Variants in CACNG7 observed in about 807,000 individuals in gnomAD.
CACNG7 encodes calcium voltage-gated channel auxiliary subunit gamma 7, also known as voltage-dependent calcium channel gamma-7 subunit.
In CACNG7, 9 loss-of-function variants were observed where a neutral mutation model predicts 26.3. The ratio of observed to expected loss-of-function variants is 0.34; its 90% CI spans 0.21 to 0.60. CACNG7 has a LOEUF of 0.60. CACNG7 is among the 20% of genes least tolerant of loss of function. The probability of loss-of-function intolerance (pLI) is 0.81; values close to 1 mark genes in which losing one functional copy is unlikely to be tolerated. For synonymous variants in CACNG7, 170 were observed against 157.0 expected, an observed-to-expected ratio of 1.08 and a Z score of -0.62; for missense variants, 297 against 380.4, an observed-to-expected ratio of 0.78 and a Z score of 1.82.
rs1045722949 is a variant in CACNG7 at position 53,940,918 on chromosome 19, G to A, written c.425-552G>A. On this transcript the variant is annotated intron_variant, in intron 4 of 5. Coordinates refer to ENST00000391767, the MANE Select transcript of CACNG7 (RefSeq NM_031896.5). The surrounding 1 kb of genome is among the most constrained non-coding windows in gnomAD (Gnocchi z 4.1). Reference sequence around the variant, plus strand: ...AAAAATATAAAAAAAAAAATTAGTCGGGAGTGGTGGCGGGCGCCTGTAATC... The same window carrying A: ...AAAAATATAAAAAAAAAAATTAGTCAGGAGTGGTGGCGGGCGCCTGTAATC... 6.6e-5 allele frequency among the ~76,000 whole-genome samples: 10 copies of A among 152,040 alleles called. No homozygotes were observed. The highest frequency in any genetic ancestry group is 4.6e-4 in the Admixed American group (7 of 15,244).
intron 4 of CACNG7, among the ~76,000 whole-genome samples, chr19:53,920,844 TATTGGTGGAGTTGCCCCAGGTCTGGTC>T (rs2068941159): frequency 1.5e-5 from 1 of 66,728 alleles, no homozygotes; most frequent in Non-Finnish European, 2.6e-5. Flanking sequence ...CCAGGCCTGG[TATTGGTGGAGTTGCCCCAGGTCTGGTC>T]ATTGGTGGAG....
chr19:53,919,005 G>A (rs2068916647), intron 4 of CACNG7, among the ~76,000 whole-genome samples: 1 of 152,154 alleles, frequency 6.6e-6, no homozygotes, highest in East Asian at 1.9e-4. Flanking sequence ...CTCGACCTCA[G>A]GTGATCCGCC....
chr19:53,934,358 C>T (rs557957736), intron 4 of CACNG7, among the ~76,000 whole-genome samples: 1 of 152,320 alleles, frequency 6.6e-6, no homozygotes, highest in East Asian at 1.9e-4. Context: ...TACTTTGTAT[C>T]ACGTTACTCC....
intron 4 of CACNG7, among the ~76,000 whole-genome samples, chr19:53,927,017 G>A (rs1040410813): frequency 1.5e-4 from 23 of 151,986 alleles, no homozygotes; most frequent in Non-Finnish European, 3.2e-4. Context: ...CTGGAGTACA[G>A]TGGCGTGATC....
chr19:53,942,041 C>G lies in CACNG7; in HGVS notation c.576C>G (p.Ala192=). Residue 192 remains alanine, a synonymous_variant, in exon 6 of 6, where the codon GCC becomes GCG. Coordinates refer to ENST00000391767, the MANE Select transcript of CACNG7 (RefSeq NM_031896.5). This position sits in a 1 kb window ranked among gnomAD's most constrained non-coding sequence, Gnocchi z 5.9. ...CTGACCTTGCCTTGCCGCAGGGGGC[C>G]GGCGTGATGTCCGTGTACCTGTTCA... ...AASSFLLKEG[A]GVMSVYLFTK... The G allele has an allele frequency of 6.3e-7, 1 of 1,588,722 alleles. No individual in the cohort carries two copies. Among genetic ancestry groups the G allele is most frequent in the Non-Finnish European group, 8.6e-7 (1 of 1,162,624 alleles).
chr19:53,925,252 T>C (rs2069017668), intron 4 of CACNG7, among the ~76,000 whole-genome samples: 1 of 147,850 alleles, frequency 6.8e-6, no homozygotes, highest in African/African-American at 2.5e-5. Flanking sequence ...GGTCTGGTCA[T>C]TGGTGGAGTT....
intron 4 of CACNG7, among the ~76,000 whole-genome samples, 167 bp downstream of exon 4, chr19:53,915,672 A>C (rs1197684878): frequency 6.6e-6 from 1 of 152,228 alleles, no homozygotes; most frequent in Non-Finnish European, 1.5e-5. Flanking sequence ...TGCCCATTGC[A>C]AAGCGTCCTT....
chr19:53,921,575 G>C (rs868725825), intron 4 of CACNG7, among the ~76,000 whole-genome samples: 7 of 121,360 alleles, frequency 5.8e-5, no homozygotes, highest in East Asian at 2.6e-4. Context: ...CATTGGTGGA[G>C]TTGCCCCAGG....
intron 2 of CACNG7, 38 bp from the exon 3 acceptor site, chr19:53,914,462 G>C (rs987052635): frequency 2.3e-5 from 37 of 1,582,942 alleles, no homozygotes; most frequent in Non-Finnish European, 3.2e-5. Flanking sequence ...GAGCTTAGGA[G>C]CCTCTCATCC....
intron 4 of CACNG7, among the ~76,000 whole-genome samples, chr19:53,923,608 G>A (rs1243747423): frequency 2.2e-5 from 3 of 137,494 alleles, no homozygotes; most frequent in Non-Finnish European, 4.8e-5. Context: ...GTTGCCCCAG[G>A]TCTGGTCATT....
Position 53,942,655 on chromosome 19 carries a change from C to T in CACNG7, c.*362C>T. The T allele has an allele frequency of 3.1e-6, 3 of 974,346 alleles. No homozygotes were observed. The highest frequency in any genetic ancestry group is 3.8e-6 in the Non-Finnish European group (3 of 779,270). 60.4% of individuals were successfully genotyped at this position (974,346 alleles called of 1,614,324 possible). The stretch of plus-strand genomic sequence containing the variant: ...GAGGCGGTGCAAGCGCCCAGCTCCC[C>T]AGAGCTCCCCAACCTCGGACCTCAC... On this transcript the variant is annotated 3_prime_UTR_variant, in exon 6 of 6. Transcript: ENST00000391767. This position sits in a 1 kb window ranked among gnomAD's most constrained non-coding sequence, Gnocchi z 5.9.
chr19:53,916,128 TA>T (rs1226564533), intron 4 of CACNG7, among the ~76,000 whole-genome samples: 1 of 152,202 alleles, frequency 6.6e-6, no homozygotes, highest in African/African-American at 2.4e-5. Flanking sequence ...CAATCCACCT[TA>T]TTGTCTAGAT....
chr19:53,913,650 G>A (rs1047507281), intron 2 of CACNG7, among the ~76,000 whole-genome samples: 2 of 151,736 alleles, frequency 1.3e-5, no homozygotes, highest in African/African-American at 4.8e-5. Flanking sequence ...TCTGACTGCT[G>A]GCATGCACCT....
At chr19:53,927,676 A>G (rs2069041197) in intron 4 of CACNG7, among the ~76,000 whole-genome samples, 1 of 152,088 alleles carries the variant, frequency 6.6e-6, no homozygotes, top group East Asian at 1.9e-4. Context: ...CGTCTCTATT[A>G]AAAACACAAA....
At chr19:53,925,779 T>C in intron 4 of CACNG7, among the ~76,000 whole-genome samples, 1 of 152,210 alleles carries the variant, frequency 6.6e-6, no homozygotes, top group Non-Finnish European at 1.5e-5. Context: ...GATGCTTGTG[T>C]AGTGGCCCAG....
At chr19:53,910,363 G>C (rs527985626) in intron 1 of CACNG7, among the ~76,000 whole-genome samples, 1 of 151,480 alleles carries the variant, frequency 6.6e-6, no homozygotes, top group Non-Finnish European at 1.5e-5. Context: ...CCAAGAGGTT[G>C]GGGGGGAAGG....
At chr19:53,930,222 T>C (rs2069062198) in intron 4 of CACNG7, among the ~76,000 whole-genome samples, 1 of 151,526 alleles carries the variant, frequency 6.6e-6, no homozygotes, top group Non-Finnish European at 1.5e-5. Context: ...TTTTTTTTTT[T>C]TCTTGAGACA....
At position 53,914,232 on chromosome 19, in the gene CACNG7, C is replaced by T. The variant is rs567047278; in HGVS notation, c.197-268C>T. Among the ~76,000 whole-genome samples, 3 of 148,404 alleles carry T rather than the reference C, an allele frequency of 2.0e-5. No homozygotes were observed. The South Asian group carries it at 6.3e-4, about 31-fold the overall frequency. ...GAGGTTGTGGTGAGCCGAGATCGTGCCACTGCACTCCAGCCTGGGCAACAG... is the reference window on the plus strand; with the variant it reads ...GAGGTTGTGGTGAGCCGAGATCGTGTCACTGCACTCCAGCCTGGGCAACAG... On this transcript the variant is annotated intron_variant, in intron 2 of 5. Transcript: ENST00000391767.
chr19:53,921,809 C>T lies in CACNG7; in HGVS notation c.424+6304C>T, dbSNP rs1399867041. 5.5e-5 allele frequency among the ~76,000 whole-genome samples: 5 copies of T among 90,376 alleles called. 1 individual carries two copies. The highest frequency in any genetic ancestry group is 4.1e-4 in the Admixed American group (4 of 9,856). 59.3% of individuals were successfully genotyped at this position (90,376 alleles called of 152,430 possible). ...TGGTGGAGTTGTCCCCAGGTCTGGTCATTGGTGGAGTTGCCCCAGGTCTGG... is the reference window on the plus strand; with the variant it reads ...TGGTGGAGTTGTCCCCAGGTCTGGTTATTGGTGGAGTTGCCCCAGGTCTGG... On this transcript the variant is annotated intron_variant, in intron 4 of 5. Transcript: ENST00000391767.
Sources: gnomAD v4.1 joint callset for allele counts (sites outside exome capture counted in the v4.1 genomes callset) on GRCh38, gnomAD v4.1.1 for gene constraint, Gnocchi (gnomAD v3.1) non-coding constraint, MANE v1.5 for transcripts, NCBI Gene and HGNC (gene_info 2026-07-23, HGNC 2026-07-21) for gene names.